Variants in UGGT2 observed in about 807,000 individuals in gnomAD.
UGGT2 encodes the protein UDP-glucose glycoprotein glucosyltransferase 2, also known as UDP-glucose:glycoprotein glucosyltransferase 2.
A neutral mutation model predicts 192.1 loss-of-function variants in UGGT2; 180 were observed. The ratio of observed to expected loss-of-function variants is 0.94; its 90% CI spans 0.83 to 1.06. The LOEUF (loss-of-function observed/expected upper bound fraction) is 1.06. UGGT2 is among the 50% of genes least tolerant of loss of function. UGGT2 has a pLI of 0.00. For missense variants in UGGT2, 1,849 were observed against 1,795.7 expected, an observed-to-expected ratio of 1.03 and a Z score of -0.54; for synonymous variants, 580 against 591.0, an observed-to-expected ratio of 0.98 and a Z score of 0.27.
At chr13:96,052,733 T>C (rs2053521197) in intron 1 of UGGT2, among the ~76,000 whole-genome samples, 1 of 152,246 alleles carries the variant, frequency 6.6e-6, no homozygotes, top group South Asian at 2.1e-4. Context: ...GGAAAAATAT[T>C]ACCTTGCAGG....
chr13:95,845,673 G>A (rs1450612483), intron 36 of UGGT2, among the ~76,000 whole-genome samples: 2 of 152,104 alleles, frequency 1.3e-5, no homozygotes, highest in Non-Finnish European at 2.9e-5. Context: ...CGTTCTCAAT[G>A]AGCTGTTGGG....
chr13:95,929,216 A>T (rs377490142), intron 17 of UGGT2, among the ~76,000 whole-genome samples: 10 of 152,162 alleles, frequency 6.6e-5, no homozygotes, highest in Admixed American at 5.2e-4. Flanking sequence ...TTCCTTGTAA[A>T]AATTACAACT....
chr13:95,981,992 G>A (rs982178877), intron 10 of UGGT2, among the ~76,000 whole-genome samples: 1 of 152,210 alleles, frequency 6.6e-6, no homozygotes, highest in Admixed American at 6.5e-5. Flanking sequence ...AGGTGATCAA[G>A]AAGACTATCT....
chr13:95,973,093 C>A (rs1017565791), intron 10 of UGGT2, among the ~76,000 whole-genome samples: 2 of 152,138 alleles, frequency 1.3e-5, no homozygotes. Context: ...TCACTTGAAT[C>A]CAGGAGGCGG....
chr13:96,020,818 A>G (rs1241808337), intron 4 of UGGT2, among the ~76,000 whole-genome samples: 2 of 152,220 alleles, frequency 1.3e-5, no homozygotes, highest in Non-Finnish European at 2.9e-5. Flanking sequence ...AGAACTGTAA[A>G]AGTCTAAGGT....
chr13:95,862,149 G>A (rs564013711), intron 31 of UGGT2, among the ~76,000 whole-genome samples: 1 of 152,148 alleles, frequency 6.6e-6, no homozygotes, highest in East Asian at 1.9e-4. Flanking sequence ...TTCTCTATCA[G>A]TAACTTGTTC....
At position 95,877,694 on chromosome 13, in the gene UGGT2, T is replaced by C; in HGVS notation, c.3387+4A>G. Reference sequence around the variant, plus strand: ...TTAAACACCATCAATTAAATAATACTTACATGATGTGCCATCACTATTGTA... The same window carrying C: ...TTAAACACCATCAATTAAATAATACCTACATGATGTGCCATCACTATTGTA... On this transcript the variant is annotated splice_donor_region_variant and intron_variant, in intron 28 of 38. Transcript: ENST00000376747. The C allele has an allele frequency of 6.2e-7, 1 of 1,610,042 alleles. No individual in the cohort carries two copies. Among genetic ancestry groups the C allele is most frequent in the Non-Finnish European group, 8.5e-7 (1 of 1,178,526 alleles).
intron 27 of UGGT2, 131 bp downstream of exon 27, chr13:95,884,360 G>T: frequency 1.4e-6 from 1 of 734,016 alleles, no homozygotes; most frequent in Non-Finnish European, 1.9e-6. Flanking sequence ...GATTGGATCA[G>T]GACCTAGAAT....
chr13:95,943,799 A>T (rs2049772683), intron 15 of UGGT2, among the ~76,000 whole-genome samples: 1 of 151,934 alleles, frequency 6.6e-6, no homozygotes, highest in South Asian at 2.1e-4. Context: ...TATTGCATTG[A>T]CTGGAACTTG....
intron 12 of UGGT2, among the ~76,000 whole-genome samples, chr13:95,949,986 G>A (rs904770322): frequency 6.6e-6 from 1 of 152,142 alleles, no homozygotes; most frequent in Non-Finnish European, 1.5e-5. Context: ...GAGGCATTAT[G>A]GTCCTTGAAA....
chr13:95,927,445 A>T, intron 17 of UGGT2, 109 bp from the exon 18 acceptor site: 4 of 911,768 alleles, frequency 4.4e-6, no homozygotes, highest in South Asian at 2.3e-5. Context: ...TAAGCAATTT[A>T]GAATTATTAC....
intron 32 of UGGT2, among the ~76,000 whole-genome samples, chr13:95,860,365 C>CTA (rs1025903970): frequency 8.3e-4 from 122 of 146,598 alleles, no homozygotes; most frequent in Non-Finnish European, 1.5e-3. Flanking sequence ...GTGAGTATAT[C>CTA]TATATATATA....
chr13:95,945,146 G>A (rs2049822382), intron 15 of UGGT2, among the ~76,000 whole-genome samples: 1 of 151,788 alleles, frequency 6.6e-6, no homozygotes, highest in Admixed American at 6.6e-5. Flanking sequence ...GATATGGTTG[G>A]ATTAACTTTA....
rs2140076296 is a variant in UGGT2, at chr13:95,859,909, A to C, written c.3741-234T>G. 2.3e-5 allele frequency: 8 copies of C among 349,662 alleles called. No homozygotes were observed. The South Asian group carries it at 4.0e-4, about 17-fold the overall frequency. The allele number at this position is 349,662 out of a possible 1,614,324, so 21.7% of individuals were successfully genotyped here. A position where few individuals can be genotyped will look rare whatever the true frequency, so the allele number is the denominator to read the frequency against. ...CAATGAAATGTGAAGAAATAAACTA[A>C]AATATGGTTTATCAAGTATGTAATG... On this transcript the variant is annotated intron_variant, in intron 32 of 38. Coordinates refer to ENST00000376747, the MANE Select transcript of UGGT2 (RefSeq NM_020121.4).
chr13:95,866,608 T>A (rs141661261), intron 30 of UGGT2, among the ~76,000 whole-genome samples: 2 of 152,302 alleles, frequency 1.3e-5, no homozygotes, highest in African/African-American at 4.8e-5. Context: ...TTATGTTTCA[T>A]CCTTAGCCTG....
chr13:95,997,869 A>T (rs1015068), intron 6 of UGGT2, among the ~76,000 whole-genome samples: 1 of 151,904 alleles, frequency 6.6e-6, no homozygotes, highest in African/African-American at 2.4e-5. Flanking sequence ...GCTGAAGGAC[A>T]GTAAAAAGGC....
intron 12 of UGGT2, 93 bp from the exon 13 acceptor site, chr13:95,949,547 TAC>T: frequency 8.3e-7 from 1 of 1,206,004 alleles, no homozygotes; most frequent in Non-Finnish European, 1.1e-6. Context: ...AATAAAAATA[TAC>T]ATAGAATTTT....
At chr13:95,824,031 T>C (rs894031156) in intron 38 of UGGT2, among the ~76,000 whole-genome samples, 1 of 152,054 alleles carries the variant, frequency 6.6e-6, no homozygotes, top group African/African-American at 2.4e-5. Flanking sequence ...TTATGAAAGG[T>C]TTTAGTTTTA....
rs866246987 is a variant in UGGT2, at chr13:95,853,801, C to T, written c.4170-144G>A. On this transcript the variant is annotated intron_variant, in intron 35 of 38. Coordinates refer to ENST00000376747, the MANE Select transcript of UGGT2 (RefSeq NM_020121.4). Reference sequence around the variant, plus strand: ...AATTAATCCTTTCATAAATTTGCTCCTAATATCTAATACTGTTTCCCAAGA... The same window carrying T: ...AATTAATCCTTTCATAAATTTGCTCTTAATATCTAATACTGTTTCCCAAGA... 16 of 530,946 alleles carry T rather than the reference C, an allele frequency of 3.0e-5. No homozygotes were observed. The Middle Eastern group carries it at 1.5e-3, about 49-fold the overall frequency. The allele number at this position is 530,946 out of a possible 1,614,324, so 32.9% of individuals were successfully genotyped here.
Sources: gnomAD v4.1 joint callset for allele counts (sites outside exome capture counted in the v4.1 genomes callset) on GRCh38, gnomAD v4.1.1 for gene constraint, MANE v1.5 for transcripts, NCBI Gene and HGNC (gene_info 2026-07-23, HGNC 2026-07-21) for gene names.